The following GREB1 variants were observed in gnomAD, a reference collection of about 807,000 sequenced individuals.
GREB1 encodes the protein growth regulating estrogen receptor binding 1.
Under a neutral mutation model 200.7 loss-of-function variants are expected in GREB1, and 106 were observed. That is an observed-to-expected ratio of 0.53 (90% CI 0.45 to 0.62). The LOEUF (loss-of-function observed/expected upper bound fraction) is 0.62. Ranked by LOEUF, GREB1 falls within the 20% of genes least tolerant of loss-of-function variation. GREB1 has a pLI of 0.00. For missense variants in GREB1, 2,243 were observed against 2,556.8 expected (o/e 0.88, Z 2.65); for synonymous variants, 1,132 against 1,092.4 (o/e 1.04, Z -0.72).
intron 4 of GREB1, among the ~76,000 whole-genome samples, chr2:11,575,082 A>T (rs1678703614): frequency 6.6e-6 from 1 of 152,254 alleles, no homozygotes; most frequent in African/African-American, 2.4e-5. Context: ...AACTGGAGTT[A>T]TTCTGAACAC....
intron 1 of GREB1, among the ~76,000 whole-genome samples, chr2:11,488,830 G>C (rs1385785703): frequency 1.7e-4 from 21 of 124,908 alleles, no homozygotes; most frequent in Non-Finnish European, 3.0e-4. Flanking sequence ...GGAATTACCA[G>C]ATAAAATCTA....
intron 23 of GREB1, among the ~76,000 whole-genome samples, chr2:11,624,943 G>A (rs562486421): frequency 6.6e-6 from 1 of 152,284 alleles, no homozygotes; most frequent in South Asian, 2.1e-4. Flanking sequence ...CAGGTTAGTA[G>A]CCCAAGACCA....
intron 19 of GREB1, among the ~76,000 whole-genome samples, chr2:11,614,697 G>A (rs899032922): frequency 2.6e-5 from 4 of 152,100 alleles, no homozygotes; most frequent in Non-Finnish European, 4.4e-5. Flanking sequence ...CCGAGTAGCT[G>A]GGACTACAGG....
At chr2:11,490,204 C>T (rs2148404074) in intron 1 of GREB1, among the ~76,000 whole-genome samples, 1 of 152,296 alleles carries the variant, frequency 6.6e-6, no homozygotes, top group Non-Finnish European at 1.5e-5. Context: ...ATTACAGTCA[C>T]TGCCCACATC....
At position 11,595,330 on chromosome 2, in the gene GREB1, T is replaced by A; in HGVS notation, c.1776T>A (p.Val592=). ...EYQKEVNYEL[V]TGKVDSLGAF... is the part of the protein sequence containing the mutation. ...AGAAGGAAGTCAATTACGAGCTGGT[T>A]ACGGGGAAGGTAGACTCGCTGGGGG... The change falls in exon 12 of 33, where the codon GTT becomes GTA. Residue 592 remains valine, a synonymous_variant. Transcript: ENST00000381486. The A allele has an allele frequency of 6.2e-7, 1 of 1,614,032 alleles. No homozygotes were observed. The highest frequency in any genetic ancestry group is 8.5e-7 in the Non-Finnish European group (1 of 1,179,926).
At chr2:11,486,441 C>T (rs749004473) in intron 1 of GREB1, among the ~76,000 whole-genome samples, 3 of 152,036 alleles carry the variant, frequency 2.0e-5, no homozygotes, top group African/African-American at 4.8e-5. Flanking sequence ...TAGGCAACCT[C>T]GCCCAGCCTA....
chr2:11,566,224 C>A (rs1297959668), intron 3 of GREB1, among the ~76,000 whole-genome samples: 1 of 151,960 alleles, frequency 6.6e-6, no homozygotes, highest in Non-Finnish European at 1.5e-5. Flanking sequence ...ACTACATTGG[C>A]CAGGCTGGTC....
upstream of GREB1, among the ~76,000 whole-genome samples, chr2:11,530,314 G>A (rs1157406335): frequency 1.3e-5 from 2 of 151,854 alleles, no homozygotes. Flanking sequence ...CACCCACTTT[G>A]GCCTCCCAAA....
rs371812279 is a variant in GREB1, at chr2:11,548,292, G to A, written c.-161-8162G>A. On this transcript the variant is annotated intron_variant, in intron 1 of 32. Transcript: ENST00000381486. The surrounding 1 kb of genome is among the most constrained non-coding windows in gnomAD (Gnocchi z 5.1). ...TGTACAGCCAGACACATGCACACAC[G>A]TGCACATACCCACATATGCACACAC... 1.3e-3 allele frequency among the ~76,000 whole-genome samples: 10 copies of A among 7,838 alleles called. No homozygotes were observed. The highest frequency in any genetic ancestry group is 2.0e-3 in the Non-Finnish European group (10 of 4,962). The allele number at this position is 7,838 out of a possible 152,430, so 5.1% of individuals were successfully genotyped here. A position where few individuals can be genotyped will look rare whatever the true frequency, so the allele number is the denominator to read the frequency against.
Position 11,588,811 on chromosome 2 carries a change from A to C in GREB1, c.1225A>C (p.Thr409Pro). The change falls in exon 10 of 33, where the codon ACG (threonine) becomes CCG (proline). Residue 409 changes from threonine (T) to proline (P), a missense_variant. Around this residue, in one of 3 missense-constraint regions of GREB1, gnomAD observed 1,178 missense variants for 1,387.4 expected, o/e 0.85. Transcript: ENST00000381486. ...NDVVVSPLLY[T>P]CYQNSQSVSR... ...CGTCGTGGTCAGCCCCCTCTTGTAC[A>C]CGTGCTACCAGAATTCCCAGTCTGT... The C allele has an allele frequency of 1.2e-6, 2 of 1,614,068 alleles. No individual in the cohort carries two copies. The highest frequency in any genetic ancestry group is 1.7e-6 in the Non-Finnish European group (2 of 1,179,950).
intron 19 of GREB1, among the ~76,000 whole-genome samples, chr2:11,614,405 G>C (rs1683210643): frequency 1.3e-5 from 2 of 151,956 alleles, no homozygotes; most frequent in Admixed American, 6.6e-5. Flanking sequence ...GGGATTACAG[G>C]TGTGAGCCAC....
intron 10 of GREB1, chr2:11,591,404 A>G (rs777997915): frequency 2.7e-6 from 2 of 733,350 alleles, no homozygotes; most frequent in Non-Finnish European, 5.1e-6. Context: ...AGCACATCAA[A>G]TACGAAATCC....
At chr2:11,601,567 A>G (rs1346100357) in intron 16 of GREB1, among the ~76,000 whole-genome samples, 1 of 152,256 alleles carries the variant, frequency 6.6e-6, no homozygotes, top group Non-Finnish European at 1.5e-5. Flanking sequence ...TTACACAAGA[A>G]TAAGTAAACG....
intron 16 of GREB1, among the ~76,000 whole-genome samples, 199 bp downstream of exon 16, chr2:11,601,194 C>T (rs562649327): frequency 6.6e-6 from 1 of 152,226 alleles, no homozygotes; most frequent in Non-Finnish European, 1.5e-5. Context: ...AGTTGGCTTC[C>T]TCATCTCGGA....
At chr2:11,508,440 G>A (rs1673244208) in intron 1 of GREB1, among the ~76,000 whole-genome samples, 1 of 152,184 alleles carries the variant, frequency 6.6e-6, no homozygotes, top group Admixed American at 6.5e-5. Flanking sequence ...TCAGCAGAAC[G>A]GGCTTTGCAC....
intron 1 of GREB1, among the ~76,000 whole-genome samples, chr2:11,503,394 A>C (rs1374901285): frequency 6.6e-6 from 1 of 152,188 alleles, no homozygotes; most frequent in Non-Finnish European, 1.5e-5. Context: ...GGTAGTGTGA[A>C]TATATATCAC....
At chr2:11,583,609 C>T (rs1031087411) in intron 7 of GREB1, among the ~76,000 whole-genome samples, 1 of 152,056 alleles carries the variant, frequency 6.6e-6, no homozygotes, top group Non-Finnish European at 1.5e-5. Flanking sequence ...CCTATAATCT[C>T]GGCACTTTGG....
At chr2:11,578,561 C>A (rs1298431191) in intron 6 of GREB1, 130 bp downstream of exon 6, 6 of 868,788 alleles carry the variant, frequency 6.9e-6, no homozygotes, top group Non-Finnish European at 1.0e-5. Flanking sequence ...TTCTATAACA[C>A]CTTTACTTTC....
At chr2:11,582,655 G>C (rs1679624427) in intron 7 of GREB1, among the ~76,000 whole-genome samples, 1 of 152,222 alleles carries the variant, frequency 6.6e-6, no homozygotes, top group African/African-American at 2.4e-5. Context: ...GCAGCGCCTT[G>C]GTCATGTGCA....
Sources: allele counts gnomAD v4.1 joint callset (sites outside exome capture counted in the v4.1 genomes callset), GRCh38; gene constraint gnomAD v4.1.1; regional missense constraint gnomAD v4.1.1; non-coding constraint Gnocchi (gnomAD v3.1); transcripts MANE v1.5; gene names NCBI Gene and HGNC (gene_info 2026-07-23, HGNC 2026-07-21).